The following PARM1 variants were observed in gnomAD, a reference collection of about 807,000 sequenced individuals.
The protein encoded by PARM1 is WSC4, cell wall integrity and stress response component 4 homolog.
Under a neutral mutation model 24.6 loss-of-function variants are expected in PARM1, and 14 were observed. That is an observed-to-expected ratio of 0.57 (90% CI 0.38 to 0.89). The LOEUF is 0.89. PARM1 is among the 40% of genes least tolerant of loss of function. The probability of loss-of-function intolerance (pLI) is 0.00; values close to 1 mark genes in which losing one functional copy is unlikely to be tolerated. For synonymous variants in PARM1, 179 were observed against 156.6 expected (o/e 1.14, Z -1.07); for missense variants, 362 against 380.4 (o/e 0.95, Z 0.40).
At chr4:75,028,653 G>A (rs1578056697) in intron 2 of PARM1, among the ~76,000 whole-genome samples, 1 of 152,324 alleles carries the variant, frequency 6.6e-6, no homozygotes, top group South Asian at 2.1e-4. Flanking sequence ...TTTTCAAGGA[G>A]AATGTAGCTC....
chr4:74,934,740 C>G (rs1210848243), intron 1 of PARM1, among the ~76,000 whole-genome samples: 1 of 152,144 alleles, frequency 6.6e-6, no homozygotes, highest in Non-Finnish European at 1.5e-5. Flanking sequence ...TTCCTGTAAT[C>G]CTCAAAGCAG....
intron 2 of PARM1, among the ~76,000 whole-genome samples, chr4:75,024,154 C>A (rs962750588): frequency 6.6e-6 from 1 of 152,090 alleles, no homozygotes; most frequent in Non-Finnish European, 1.5e-5. Context: ...CGCCTGTAGT[C>A]CCAGCTACTC....
In PARM1 at chr4:75,047,305, A is replaced by C. The variant is rs562026857; in HGVS notation, c.*1058A>C. 34 of 152,390 alleles carry C rather than the reference A, an allele frequency of 2.2e-4. No individual in the cohort carries two copies. Among genetic ancestry groups the C allele is most frequent in the African/African-American group, 8.2e-4 (34 of 41,592 alleles). 9.4% of individuals were successfully genotyped at this position (152,390 alleles called of 1,614,324 possible). Reference sequence around the variant, plus strand: ...CAAAACAAAACAAAAAAGAGGCACTAGTCTATCTGCAATTACTCAACGAGG... The same window carrying C: ...CAAAACAAAACAAAAAAGAGGCACTCGTCTATCTGCAATTACTCAACGAGG... On this transcript the variant is annotated 3_prime_UTR_variant, in exon 4 of 4. Coordinates refer to ENST00000307428, the MANE Select transcript of PARM1 (RefSeq NM_015393.4).
chr4:75,031,429 G>T (rs1723275816), intron 2 of PARM1, among the ~76,000 whole-genome samples: 1 of 152,028 alleles, frequency 6.6e-6, no homozygotes, highest in Admixed American at 6.5e-5. Flanking sequence ...GACATGGAAG[G>T]GTGACATGGA....
At chr4:75,018,185 G>A (rs1723024189) in intron 2 of PARM1, among the ~76,000 whole-genome samples, 2 of 152,190 alleles carry the variant, frequency 1.3e-5, no homozygotes, top group African/African-American at 4.8e-5. Flanking sequence ...ACATTACAAT[G>A]TAGTGTGCAC....
At chr4:74,941,507 G>A (rs1261279584) in intron 1 of PARM1, among the ~76,000 whole-genome samples, 1 of 152,112 alleles carries the variant, frequency 6.6e-6, no homozygotes, top group Admixed American at 6.6e-5. Context: ...GGAGTACTAA[G>A]GCTCAAACCA....
Position 75,012,545 on chromosome 4 carries a change from C to T in PARM1, c.164C>T (p.Ser55Phe), listed in dbSNP as rs1722890000. ...SPQNTDADTA[S>F]PSNGTHNNSV... ...CAAAACACTGATGCAGACACTGCCTCCCCATCCAACGGCACTCACAACAAC... is the reference window on the plus strand; with the variant it reads ...CAAAACACTGATGCAGACACTGCCTTCCCATCCAACGGCACTCACAACAAC... The change falls in exon 2 of 4, where the codon TCC (serine) becomes TTC (phenylalanine). Residue 55 changes from serine to phenylalanine, a missense_variant. Transcript: ENST00000307428. 1.2e-6 allele frequency: 2 copies of T among 1,613,838 alleles called. No homozygotes were observed. Among genetic ancestry groups the T allele is most frequent in the African/African-American group, 2.7e-5 (2 of 74,898 alleles).
chr4:74,965,292 T>A (rs1445900345), intron 1 of PARM1: 2 of 152,200 alleles, frequency 1.3e-5, no homozygotes, highest in Non-Finnish European at 2.9e-5. Flanking sequence ...CAGATAGTCT[T>A]CAGAAGGTCT....
intron 1 of PARM1, among the ~76,000 whole-genome samples, chr4:74,971,885 C>T (rs931505694): frequency 1.1e-4 from 17 of 152,218 alleles, no homozygotes; most frequent in African/African-American, 3.9e-4. Context: ...TATTGGGACA[C>T]ATTCTTCCTG....
chr4:75,012,721 G>A lies in PARM1; in HGVS notation c.340G>A (p.Gly114Ser), dbSNP rs34305542. 34 of 1,613,900 alleles carry A rather than the reference G, an allele frequency of 2.1e-5. No homozygotes were observed. Among genetic ancestry groups the A allele is most frequent in the African/African-American group, 2.7e-5 (2 of 75,004 alleles). The change falls in exon 2 of 4, where the codon GGT becomes AGT. Residue 114 changes from glycine (G) to serine (S), a missense_variant. Transcript: ENST00000307428. Reference protein sequence around the residue: ...PSPSGFSSTSGGVHLTTTLEE... With the variant: ...PSPSGFSSTSSGVHLTTTLEE... ...ACCTTCTGGGTTCTCGTCAACAAGC[G>A]GTGGAGTCCACTTAACAACCACGTT...
chr4:75,028,101 T>C (rs1213667036), intron 2 of PARM1, among the ~76,000 whole-genome samples: 1 of 152,192 alleles, frequency 6.6e-6, no homozygotes, highest in Non-Finnish European at 1.5e-5. Flanking sequence ...GAGGATTAAA[T>C]GAACTGAAAT....
chr4:74,950,222 A>T (rs962154412), intron 1 of PARM1, among the ~76,000 whole-genome samples: 1 of 152,216 alleles, frequency 6.6e-6, no homozygotes, highest in African/African-American at 2.4e-5. Flanking sequence ...AAACTCGGAA[A>T]GCTTAAAACA....
chr4:75,024,856 G>A (rs1463826109), intron 2 of PARM1, among the ~76,000 whole-genome samples: 1 of 152,014 alleles, frequency 6.6e-6, no homozygotes, highest in Non-Finnish European at 1.5e-5. Flanking sequence ...CCGCCACCAC[G>A]CCCCGCTAAT....
intron 2 of PARM1, among the ~76,000 whole-genome samples, chr4:75,018,002 G>A (rs1002608932): frequency 5.3e-5 from 8 of 152,136 alleles, no homozygotes; most frequent in Non-Finnish European, 1.5e-5. Flanking sequence ...CTTTACTATT[G>A]TTTACTGTTA....
chr4:74,946,941 A>G (rs186569223), intron 1 of PARM1, among the ~76,000 whole-genome samples: 1 of 152,322 alleles, frequency 6.6e-6, no homozygotes, highest in Non-Finnish European at 1.5e-5. Flanking sequence ...GCCTGCGTTT[A>G]TTTTGTGAAG....
intron 1 of PARM1, among the ~76,000 whole-genome samples, chr4:74,943,554 C>G (rs991308407): frequency 6.6e-6 from 1 of 151,336 alleles, no homozygotes; most frequent in Admixed American, 6.6e-5. Context: ...ACAAGCTAAA[C>G]TTGGAAAATC....
At chr4:74,934,642 T>G (rs1269160461) in intron 1 of PARM1, among the ~76,000 whole-genome samples, 2 of 152,252 alleles carry the variant, frequency 1.3e-5, no homozygotes, top group Non-Finnish European at 2.9e-5. Context: ...CAGGCGGCTT[T>G]GGCTGCCCAG....
In PARM1 at chr4:75,013,163, C is replaced by T. The variant is rs919052; in HGVS notation, c.769+13C>T. ...GCATTAAGTTCAGGTGAGTCTCTAT[C>T]CAGTCCACTAGTTTTCTTTACTACA... On this transcript the variant is annotated intron_variant, in intron 2 of 3. Transcript: ENST00000307428. 1.2e-6 allele frequency: 2 copies of T among 1,601,066 alleles called. No individual in the cohort carries two copies. The highest frequency in any genetic ancestry group is 4.5e-5 in the East Asian group (2 of 44,802).
chr4:74,951,618 G>A (rs2109984941), intron 1 of PARM1, among the ~76,000 whole-genome samples: 1 of 151,984 alleles, frequency 6.6e-6, no homozygotes, highest in East Asian at 1.9e-4. Flanking sequence ...GGCCCCAAAT[G>A]ATGTTCCCCT....
Sources: gnomAD v4.1 joint callset for allele counts (sites outside exome capture counted in the v4.1 genomes callset) on GRCh38, gnomAD v4.1.1 for gene constraint, MANE v1.5 for transcripts, NCBI Gene and HGNC (gene_info 2026-07-23, HGNC 2026-07-21) for gene names.